The following RBFOX3 variants were observed in gnomAD, a reference collection of about 807,000 sequenced individuals.
RBFOX3 encodes the protein RNA binding fox-1 homolog 3.
A neutral mutation model predicts 48.7 loss-of-function variants in RBFOX3; 17 were observed. The ratio of observed to expected loss-of-function variants is 0.35; its 90% CI spans 0.24 to 0.52. The LOEUF (loss-of-function observed/expected upper bound fraction) is 0.52, where lower values mean the gene tolerates loss of function less well. Among genes scored for constraint, RBFOX3 ranks in the 20% least tolerant of loss-of-function variants. RBFOX3 has a pLI of 0.94. For synonymous variants in RBFOX3, 212 were observed against 209.5 expected (o/e 1.01, Z -0.10); for missense variants, 382 against 497.5 (o/e 0.77, Z 2.21).
intron 1 of RBFOX3, among the ~76,000 whole-genome samples, chr17:79,609,616 G>A (rs2093924006): frequency 6.6e-6 from 1 of 152,090 alleles, no homozygotes; most frequent in Admixed American, 6.5e-5. Flanking sequence ...TCCCCACCTC[G>A]CTGGGCCCCC....
intron 4 of RBFOX3, among the ~76,000 whole-genome samples, chr17:79,217,441 C>T (rs776221048): frequency 6.6e-6 from 1 of 152,178 alleles, no homozygotes; most frequent in Admixed American, 6.5e-5. Flanking sequence ...ATCACTCACT[C>T]GTTCATTTCA....
rs1405596694 is a variant in RBFOX3, at chr17:79,473,997, A to G, written c.-175+8457T>C. Among the ~76,000 whole-genome samples the G allele has an allele frequency of 6.6e-6, 1 of 152,162 alleles. No homozygotes were observed. The highest frequency in any genetic ancestry group is 1.5e-5 in the Non-Finnish European group (1 of 68,040). ...AGCACCAATCCTGCAAACACTTTGTATATCCTTGCAAATCGGGTAAAAGAA... is the reference window on the plus strand; with the variant it reads ...AGCACCAATCCTGCAAACACTTTGTGTATCCTTGCAAATCGGGTAAAAGAA... On this transcript the variant is annotated intron_variant, in intron 2 of 14. Coordinates refer to ENST00000693108, the MANE Select transcript of RBFOX3 (RefSeq NM_001350451.2). The surrounding 1 kb of genome is among the most constrained non-coding windows in gnomAD (Gnocchi z 4.2).
rs946768328 is a variant in RBFOX3 at position 79,199,616 on chromosome 17, A to G, written c.-34+36150T>C. Among the ~76,000 whole-genome samples the G allele has an allele frequency of 6.6e-6, 1 of 152,162 alleles. No individual in the cohort carries two copies. Among genetic ancestry groups the G allele is most frequent in the Non-Finnish European group, 1.5e-5 (1 of 68,034 alleles). On this transcript the variant is annotated intron_variant, in intron 4 of 14. Transcript: ENST00000693108. The surrounding 1 kb of genome is among the most constrained non-coding windows in gnomAD (Gnocchi z 5.1). ...CAAGAAGTAATTAGATATGCTCTCAAAGAAGTCCCCAAAGCTTTAATTAAA... is the reference window on the plus strand; with the variant it reads ...CAAGAAGTAATTAGATATGCTCTCAGAGAAGTCCCCAAAGCTTTAATTAAA...
intron 2 of RBFOX3, among the ~76,000 whole-genome samples, 157 bp from the exon 3 acceptor site, chr17:79,307,981 G>T (rs188518449): frequency 6.6e-6 from 1 of 152,198 alleles, no homozygotes; most frequent in Non-Finnish European, 1.5e-5. Context: ...ACAGGAATGC[G>T]TTAGGCTGGG....
chr17:79,395,929 C>G (rs941123959), intron 2 of RBFOX3, among the ~76,000 whole-genome samples: 1 of 152,212 alleles, frequency 6.6e-6, no homozygotes, highest in Non-Finnish European at 1.5e-5. Context: ...ATCCCTCACC[C>G]TTGGTCTGGG....
intron 2 of RBFOX3, among the ~76,000 whole-genome samples, chr17:79,398,959 G>A (rs1165811538): frequency 1.3e-5 from 2 of 152,210 alleles, no homozygotes; most frequent in Non-Finnish European, 2.9e-5. Context: ...CATAGGGTGA[G>A]CCCTAACCCA....
In RBFOX3 at chr17:79,361,640, C is replaced by T. The variant is rs2086376220; in HGVS notation, c.-174-53816G>A. On this transcript the variant is annotated intron_variant, in intron 2 of 14. Coordinates refer to ENST00000693108, the MANE Select transcript of RBFOX3 (RefSeq NM_001350451.2). This position sits in a 1 kb window ranked among gnomAD's most constrained non-coding sequence, Gnocchi z 4.5. ...CCATCTCTCCTCCTCCTCCCAGCAT[C>T]CCCTCTCTTTCACTCTGCCCTCAAA... 6.6e-6 allele frequency among the ~76,000 whole-genome samples: 1 copy of T among 152,234 alleles called. No homozygotes were observed. Among genetic ancestry groups the T allele is most frequent in the Non-Finnish European group, 1.5e-5 (1 of 68,042 alleles).
At chr17:79,587,125 AG>A (rs1349198616) in intron 1 of RBFOX3, among the ~76,000 whole-genome samples, 1 of 152,238 alleles carries the variant, frequency 6.6e-6, no homozygotes, top group African/African-American at 2.4e-5. Flanking sequence ...CAAGGCAGAA[AG>A]GTGAACCATT....
At chr17:79,346,121 T>G (rs562905727) in intron 2 of RBFOX3, among the ~76,000 whole-genome samples, 14 of 152,118 alleles carry the variant, frequency 9.2e-5, no homozygotes, top group African/African-American at 2.9e-4. Context: ...GAGGGTTCCA[T>G]CATGTTGGCC....
intron 2 of RBFOX3, among the ~76,000 whole-genome samples, chr17:79,461,790 G>C (rs2075400933): frequency 6.6e-6 from 1 of 152,190 alleles, no homozygotes; most frequent in Admixed American, 6.5e-5. Context: ...AAAAAGATGG[G>C]GATTTGGACA....
chr17:79,475,995 C>T (rs1038348235), intron 2 of RBFOX3, among the ~76,000 whole-genome samples: 24 of 152,326 alleles, frequency 1.6e-4, no homozygotes, highest in African/African-American at 4.1e-4. Flanking sequence ...CACGGGACAC[C>T]GACCCAGATG....
chr17:79,602,442 A>G (rs2093725923), intron 1 of RBFOX3, among the ~76,000 whole-genome samples: 1 of 152,218 alleles, frequency 6.6e-6, no homozygotes, highest in South Asian at 2.1e-4. Context: ...TGCGAGGAAC[A>G]CAACCAACCA....
chr17:79,302,163 A>G (rs1196521373), intron 3 of RBFOX3, among the ~76,000 whole-genome samples: 4 of 152,220 alleles, frequency 2.6e-5, no homozygotes, highest in African/African-American at 9.6e-5. Flanking sequence ...ATTTGCACCC[A>G]CTGAGCTCTC....
intron 2 of RBFOX3, among the ~76,000 whole-genome samples, chr17:79,462,697 T>C (rs2075538276): frequency 6.6e-6 from 1 of 152,118 alleles, no homozygotes; most frequent in Admixed American, 6.5e-5. Context: ...AAAGTAAAAT[T>C]GGTTTCTGGA....
chr17:79,372,908 C>T (rs778281630), intron 2 of RBFOX3, among the ~76,000 whole-genome samples: 4 of 152,174 alleles, frequency 2.6e-5, no homozygotes, highest in Non-Finnish European at 4.4e-5. Context: ...GAGTCTATAA[C>T]GCAGAGCAAG....
chr17:79,103,457 T>A lies in RBFOX3; in HGVS notation c.415-203A>T, dbSNP rs1430192844. Among the ~76,000 whole-genome samples the A allele has an allele frequency of 3.3e-5, 5 of 151,738 alleles. No individual in the cohort carries two copies. The highest frequency in any genetic ancestry group is 1.3e-4 in the Admixed American group (2 of 15,272). On this transcript the variant is annotated intron_variant, in intron 7 of 14. Coordinates refer to ENST00000693108, the MANE Select transcript of RBFOX3 (RefSeq NM_001350451.2). The surrounding 1 kb of genome is among the most constrained non-coding windows in gnomAD (Gnocchi z 6.1). ...GCCACCGGCAGGATGCCAGGAGGGG[T>A]ATGGGCCCCAGGGGGGCAGCTGCTG...
chr17:79,253,295 G>A (rs568277249), intron 3 of RBFOX3, among the ~76,000 whole-genome samples: 29 of 152,042 alleles, frequency 1.9e-4, no homozygotes, highest in Admixed American at 1.4e-3. Flanking sequence ...GGGAGGACTC[G>A]AATTAATTTA....
intron 2 of RBFOX3, among the ~76,000 whole-genome samples, chr17:79,427,432 C>T (rs1220980899): frequency 6.6e-6 from 1 of 152,234 alleles, no homozygotes; most frequent in African/African-American, 2.4e-5. Flanking sequence ...CCGGGCTGTG[C>T]CTGCTCCTTG....
intron 2 of RBFOX3, among the ~76,000 whole-genome samples, chr17:79,350,329 T>G (rs1007354785): frequency 1.3e-5 from 2 of 152,218 alleles, no homozygotes; most frequent in African/African-American, 4.8e-5. Context: ...TCTTCCCTGG[T>G]CAGTGTAACT....
Sources: allele counts gnomAD v4.1 joint callset (sites outside exome capture counted in the v4.1 genomes callset), GRCh38; gene constraint gnomAD v4.1.1; non-coding constraint Gnocchi (gnomAD v3.1); transcripts MANE v1.5; gene names NCBI Gene and HGNC (gene_info 2026-07-23, HGNC 2026-07-21).